Variants in HS3ST3A1 observed in about 807,000 individuals in gnomAD.
HS3ST3A1 encodes heparan sulfate glucosamine 3-O-sulfotransferase 3A1.
A neutral mutation model predicts 25.7 loss-of-function variants in HS3ST3A1; 19 were observed. The ratio of observed to expected loss-of-function variants is 0.74; its 90% CI spans 0.52 to 1.08. The LOEUF (loss-of-function observed/expected upper bound fraction) is 1.08. Among genes scored for constraint, HS3ST3A1 ranks in the 50% least tolerant of loss-of-function variants. HS3ST3A1 has a pLI of 0.00. For missense variants in HS3ST3A1, 459 were observed against 594.3 expected (o/e 0.77, Z 2.37); for synonymous variants, 226 against 278.6 (o/e 0.81, Z 1.88).
chr17:13,586,742 C>T (rs557097584), intron 1 of HS3ST3A1, among the ~76,000 whole-genome samples: 1,543 of 149,608 alleles, frequency 0.01, 17 homozygotes, highest in Non-Finnish European at 0.016. Context: ...TGGTGGCGGG[C>T]GCCTGTAGTC....
intron 1 of HS3ST3A1, among the ~76,000 whole-genome samples, chr17:13,555,760 T>C (rs969918442): frequency 1.3e-5 from 2 of 152,148 alleles, no homozygotes; most frequent in Non-Finnish European, 2.9e-5. Context: ...CTACTTGAGA[T>C]AAGAAATGAA....
chr17:13,552,534 G>T (rs1431678907), intron 1 of HS3ST3A1, among the ~76,000 whole-genome samples: 1 of 152,180 alleles, frequency 6.6e-6, no homozygotes, highest in Admixed American at 6.5e-5. Context: ...ATTCAGAGGA[G>T]GCCGTTTCTG....
chr17:13,599,734 A>G (rs1172563358), intron 1 of HS3ST3A1, among the ~76,000 whole-genome samples: 1 of 152,198 alleles, frequency 6.6e-6, no homozygotes, highest in East Asian at 1.9e-4. Flanking sequence ...CTTATTTCCT[A>G]AACTGTATTG....
intron 1 of HS3ST3A1, among the ~76,000 whole-genome samples, chr17:13,516,726 A>AT (rs1272021307): frequency 1.3e-5 from 2 of 152,144 alleles, no homozygotes; most frequent in Admixed American, 1.3e-4. Context: ...CAATCGAGTG[A>AT]TTTTTTGGAA....
chr17:13,549,667 A>G (rs1370828544), intron 1 of HS3ST3A1, among the ~76,000 whole-genome samples: 1 of 152,140 alleles, frequency 6.6e-6, no homozygotes, highest in Admixed American at 6.5e-5. Context: ...GCACTGGACT[A>G]TTGGACATCA....
intron 1 of HS3ST3A1, among the ~76,000 whole-genome samples, chr17:13,530,646 T>TA (rs35667275): frequency 0.44 from 67,397 of 151,922 alleles, 17,299 homozygotes; most frequent in African/African-American, 0.72. Context: ...CCTCCCTTTG[T>TA]AAGACTTGGG....
intron 1 of HS3ST3A1, among the ~76,000 whole-genome samples, chr17:13,532,042 A>G (rs1302419296): frequency 6.6e-6 from 1 of 152,234 alleles, no homozygotes; most frequent in Non-Finnish European, 1.5e-5. Context: ...ATCAGAGGCC[A>G]GGCTTGAATT....
At chr17:13,543,685 T>C (rs1907000985) in intron 1 of HS3ST3A1, 1 of 156,564 alleles carries the variant, frequency 6.4e-6, no homozygotes, top group Admixed American at 6.5e-5. Context: ...CTAGAACTGG[T>C]TGGAAATGTT....
At chr17:13,511,108 T>C (rs1371750992) in intron 1 of HS3ST3A1, among the ~76,000 whole-genome samples, 1 of 152,156 alleles carries the variant, frequency 6.6e-6, no homozygotes, top group Non-Finnish European at 1.5e-5. Flanking sequence ...ATCCATCCAA[T>C]AGGGACACAG....
At chr17:13,562,926 G>T (rs1907584998) in intron 1 of HS3ST3A1, among the ~76,000 whole-genome samples, 1 of 151,998 alleles carries the variant, frequency 6.6e-6, no homozygotes, top group Non-Finnish European at 1.5e-5. Context: ...TTTACAAGGG[G>T]ATTGTGTGTC....
chr17:13,533,124 G>A lies in HS3ST3A1; in HGVS notation c.600-36306C>T, dbSNP rs141397860. 3.8e-3 allele frequency among the ~76,000 whole-genome samples: 583 copies of A among 152,184 alleles called. 1 individual carries two copies. The highest frequency in any genetic ancestry group is 0.014 in the Middle Eastern group (4 of 294). ...GAATAGAATATGTCAAGATTGTGGA[G>A]GAGGGGGGAACTGTGTAAAGTGTAA... On this transcript the variant is annotated intron_variant, in intron 1 of 1. Transcript: ENST00000284110.
chr17:13,496,191 A>G lies in HS3ST3A1; in HGVS notation c.*6T>C. 2.5e-6 allele frequency: 4 copies of G among 1,581,710 alleles called. No individual in the cohort carries two copies. Among genetic ancestry groups the G allele is most frequent in the Non-Finnish European group, 3.4e-6 (4 of 1,166,384 alleles). On this transcript the variant is annotated 3_prime_UTR_variant, in exon 2 of 2. Coordinates refer to ENST00000284110, the MANE Select transcript of HS3ST3A1 (RefSeq NM_006042.3). The stretch of plus-strand genomic sequence containing the variant: ...TTGATTTTTTTTTTCTTTTTAAATT[A>G]TATGGTTATCCATCCCAGCCAAAGT...
intron 1 of HS3ST3A1, among the ~76,000 whole-genome samples, chr17:13,523,861 T>C (rs566446173): frequency 1.3e-5 from 2 of 152,282 alleles, no homozygotes; most frequent in South Asian, 4.1e-4. Flanking sequence ...AGTCTCATTG[T>C]TTTATTACTT....
Position 13,496,605 on chromosome 17 carries a change from G to A in HS3ST3A1, c.813C>T (p.Phe271=), listed in dbSNP as rs768030638. The change falls in exon 2 of 2, where the codon TTC becomes TTT. Residue 271 remains phenylalanine (F), a synonymous_variant. Transcript: ENST00000284110. The part of the protein sequence containing the change: ...PDIPTFESLT[F]KNRTAGLIDT... ...CGATGAGGCCCGCTGTCCTGTTTTT[G>A]AACGTCAAGCTCTCGAAGGTGGGGA... 3.7e-6 allele frequency: 6 copies of A among 1,609,294 alleles called. No individual in the cohort carries two copies. In the South Asian group the frequency reaches 6.6e-5, roughly 18 times the overall value.
intron 1 of HS3ST3A1, among the ~76,000 whole-genome samples, chr17:13,582,618 T>C (rs992108982): frequency 6.6e-6 from 1 of 152,144 alleles, no homozygotes; most frequent in Non-Finnish European, 1.5e-5. Context: ...GATCAAGGAG[T>C]TGCACGTGAA....
At chr17:13,527,830 G>C (rs1906482854) in intron 1 of HS3ST3A1, among the ~76,000 whole-genome samples, 1 of 152,104 alleles carries the variant, frequency 6.6e-6, no homozygotes, top group African/African-American at 2.4e-5. Context: ...AATTGCGTGG[G>C]GACTTCAAGT....
At chr17:13,584,490 G>A (rs906763320) in intron 1 of HS3ST3A1, among the ~76,000 whole-genome samples, 1 of 148,640 alleles carries the variant, frequency 6.7e-6, no homozygotes, top group Admixed American at 6.8e-5. Flanking sequence ...ACGGAGGGAG[G>A]GAGGGAGGCA....
chr17:13,500,765 A>C (rs894968570), intron 1 of HS3ST3A1, among the ~76,000 whole-genome samples: 14 of 152,348 alleles, frequency 9.2e-5, no homozygotes, highest in Admixed American at 2.6e-4. Flanking sequence ...GATAAGCAGA[A>C]ATTTCACAAG....
chr17:13,494,756 A>G lies in HS3ST3A1; in HGVS notation c.*1441T>C, dbSNP rs535697223. On this transcript the variant is annotated 3_prime_UTR_variant, in exon 2 of 2. Transcript: ENST00000284110. Reference sequence around the variant, plus strand: ...ATGCTAATCTTGTTAATACCCACTCAGAGAGGAAAGGAATACTGTTAATAA... The same window carrying G: ...ATGCTAATCTTGTTAATACCCACTCGGAGAGGAAAGGAATACTGTTAATAA... Among the ~76,000 whole-genome samples, 1 of 152,338 alleles carries G rather than the reference A, an allele frequency of 6.6e-6. No homozygotes were observed. The highest frequency in any genetic ancestry group is 2.1e-4 in the South Asian group (1 of 4,832).
Sources: gnomAD v4.1 joint callset for allele counts (sites outside exome capture counted in the v4.1 genomes callset) on GRCh38, gnomAD v4.1.1 for gene constraint, MANE v1.5 for transcripts, NCBI Gene and HGNC (gene_info 2026-07-23, HGNC 2026-07-21) for gene names.